Variants in CNOT4 observed in about 807,000 individuals in gnomAD.
The protein encoded by CNOT4 is CCR4-associated factor 4.
CNOT4 carries 8 observed loss-of-function variants against 73.8 expected under a neutral mutation model. The observed-to-expected ratio is 0.11, with a 90% confidence interval of 0.06 to 0.20. The LOEUF is 0.20. Among genes scored for constraint, CNOT4 ranks in the 10% least tolerant of loss-of-function variants. The pLI is 1.00. For synonymous variants in CNOT4, 293 were observed against 321.1 expected, an observed-to-expected ratio of 0.91 and a Z score of 0.94; for missense variants, 564 against 883.4, an observed-to-expected ratio of 0.64 and a Z score of 4.58.
At chr7:135,499,607 C>A (rs764460970) in intron 1 of CNOT4, among the ~76,000 whole-genome samples, 1 of 152,016 alleles carries the variant, frequency 6.6e-6, no homozygotes. Context: ...CCACAGCAAC[C>A]CACTATGACA....
At chr7:135,495,370 T>C (rs796502513) in intron 1 of CNOT4, among the ~76,000 whole-genome samples, 6 of 151,936 alleles carry the variant, frequency 3.9e-5, no homozygotes, top group African/African-American at 1.4e-4. Flanking sequence ...CCGGGTATGG[T>C]GGCACATACC....
At chr7:135,380,669 C>G (rs377712057) in intron 10 of CNOT4, among the ~76,000 whole-genome samples, 11 of 152,262 alleles carry the variant, frequency 7.2e-5, no homozygotes, top group South Asian at 6.2e-4. Context: ...TTAGAGGAGA[C>G]AGATTCTGAA....
At chr7:135,382,332 G>A (rs1392121022) in intron 10 of CNOT4, among the ~76,000 whole-genome samples, 1 of 152,130 alleles carries the variant, frequency 6.6e-6, no homozygotes, top group African/African-American at 2.4e-5. Flanking sequence ...AATGTTAGGT[G>A]GCTCGATTAC....
intron 10 of CNOT4, chr7:135,388,536 GTTT>G (rs1796238863): frequency 9.4e-7 from 1 of 1,060,714 alleles, no homozygotes; most frequent in South Asian, 4.4e-5. Flanking sequence ...AGTACTACAA[GTTT>G]ATTTTTATGA....
In CNOT4 at chr7:135,495,242, C is replaced by T. The variant is rs185400835; in HGVS notation, c.-93+14647G>A. Among the ~76,000 whole-genome samples, 507 of 152,242 alleles carry T rather than the reference C, an allele frequency of 3.3e-3. 7 individuals are homozygous for T. The highest frequency in any genetic ancestry group is 0.03 in the Admixed American group (461 of 15,288). On this transcript the variant is annotated intron_variant, in intron 1 of 11. Transcript: ENST00000541284. ...CACCAAAATACGAAAAGTTGGCTCACGCCTGTAATCCCAGCACTTTGGGAG... is the reference window on the plus strand; with the variant it reads ...CACCAAAATACGAAAAGTTGGCTCATGCCTGTAATCCCAGCACTTTGGGAG...
intron 7 of CNOT4, among the ~76,000 whole-genome samples, chr7:135,409,976 T>C (rs1430167577): frequency 2.0e-5 from 3 of 152,012 alleles, no homozygotes; most frequent in Non-Finnish European, 4.4e-5. Flanking sequence ...AAAACCATAA[T>C]GAGATGGAAG....
chr7:135,498,635 G>A (rs988060194), intron 1 of CNOT4, among the ~76,000 whole-genome samples: 5 of 152,026 alleles, frequency 3.3e-5, no homozygotes, highest in South Asian at 2.1e-4. Context: ...TGCAACCTCC[G>A]CCTCCTAGGT....
chr7:135,427,715 A>G (rs577317649), intron 2 of CNOT4, among the ~76,000 whole-genome samples: 1 of 152,280 alleles, frequency 6.6e-6, no homozygotes, highest in South Asian at 2.1e-4. Context: ...AGTAATGGAG[A>G]GCTAATTAAC....
chr7:135,395,535 G>T, intron 9 of CNOT4, 99 bp downstream of exon 9: 1 of 1,327,836 alleles, frequency 7.5e-7, no homozygotes, highest in Non-Finnish European at 1.0e-6. Context: ...AGAACAGAGA[G>T]GCAAAAGATA....
At chr7:135,379,516 C>A (rs929077975) in intron 10 of CNOT4, among the ~76,000 whole-genome samples, 1 of 152,012 alleles carries the variant, frequency 6.6e-6, no homozygotes, top group Non-Finnish European at 1.5e-5. Flanking sequence ...TATCTGGTAG[C>A]AAATCTTACT....
chr7:135,472,150 G>A (rs1801623819), intron 1 of CNOT4, among the ~76,000 whole-genome samples: 1 of 150,604 alleles, frequency 6.6e-6, no homozygotes, highest in Non-Finnish European at 1.5e-5. Context: ...TCCAGCGTGG[G>A]CCACAGAGTA....
chr7:135,452,726 A>T (rs1236748142), intron 1 of CNOT4, among the ~76,000 whole-genome samples: 1 of 152,226 alleles, frequency 6.6e-6, no homozygotes, highest in Admixed American at 6.5e-5. Flanking sequence ...TTTAAGTATG[A>T]CGGACAAATA....
intron 1 of CNOT4, among the ~76,000 whole-genome samples, chr7:135,501,848 T>C (rs1467816223): frequency 6.6e-6 from 1 of 152,226 alleles, no homozygotes; most frequent in Non-Finnish European, 1.5e-5. Flanking sequence ...CATTCTTTAC[T>C]GTGGTCTAAA....
intron 10 of CNOT4, among the ~76,000 whole-genome samples, chr7:135,375,880 G>A (rs986645732): frequency 3.3e-5 from 5 of 152,118 alleles, no homozygotes; most frequent in African/African-American, 1.2e-4. Context: ...AGCCGAGATC[G>A]TGCCATTGCA....
intron 1 of CNOT4, among the ~76,000 whole-genome samples, chr7:135,458,624 TTTG>T (rs1346753505): frequency 6.6e-6 from 1 of 152,086 alleles, no homozygotes; most frequent in Non-Finnish European, 1.5e-5. Context: ...TTCTAAATCC[TTTG>T]TTGTCATTTC....
intron 10 of CNOT4, among the ~76,000 whole-genome samples, chr7:135,376,845 A>G (rs893322550): frequency 1.3e-5 from 2 of 152,222 alleles, no homozygotes; most frequent in African/African-American, 4.8e-5. Flanking sequence ...CATCATTTTA[A>G]TTGACAGATT....
chr7:135,422,992 C>A (rs141167661), intron 2 of CNOT4, among the ~76,000 whole-genome samples: 5 of 152,242 alleles, frequency 3.3e-5, no homozygotes, highest in African/African-American at 9.6e-5. Context: ...CCATTACTAT[C>A]TAAGTGACTT....
chr7:135,507,613 TA>T (rs945819682), intron 1 of CNOT4, among the ~76,000 whole-genome samples: 1 of 151,204 alleles, frequency 6.6e-6, no homozygotes, highest in African/African-American at 2.4e-5. Context: ...TACCTTTTTT[TA>T]AAAAAAAAGA....
intron 2 of CNOT4, among the ~76,000 whole-genome samples, chr7:135,436,423 CAA>C (rs1799159210): frequency 6.6e-6 from 1 of 151,652 alleles, no homozygotes; most frequent in Non-Finnish European, 1.5e-5. Flanking sequence ...GAGTCTTGGG[CAA>C]TCCTGAAAGT....
Sources: gnomAD v4.1 joint callset for allele counts (sites outside exome capture counted in the v4.1 genomes callset) on GRCh38, gnomAD v4.1.1 for gene constraint, MANE v1.5 for transcripts, NCBI Gene and HGNC (gene_info 2026-07-23, HGNC 2026-07-21) for gene names.